Variants in MAGI3 observed in about 807,000 individuals in gnomAD.
The protein encoded by MAGI3 is membrane associated guanylate kinase, WW and PDZ domain containing 3.
Under a neutral mutation model 121.8 loss-of-function variants are expected in MAGI3, and 43 were observed. That is an observed-to-expected ratio of 0.35 (90% CI 0.28 to 0.46). The LOEUF (loss-of-function observed/expected upper bound fraction) is 0.46. MAGI3 is among the 20% of genes least tolerant of loss of function. The pLI is 1.00. For missense variants in MAGI3, 1,547 were observed against 1,797.3 expected (o/e 0.86, Z 2.52); for synonymous variants, 553 against 639.3 (o/e 0.86, Z 2.04).
intron 9 of MAGI3, among the ~76,000 whole-genome samples, chr1:113,624,921 C>T (rs1651124965): frequency 6.6e-6 from 1 of 152,170 alleles, no homozygotes. Flanking sequence ...TTTCATTCTT[C>T]TACATGTGGA....
intron 2 of MAGI3, among the ~76,000 whole-genome samples, chr1:113,571,146 G>A (rs1235021682): frequency 6.6e-6 from 1 of 152,180 alleles, no homozygotes; most frequent in Non-Finnish European, 1.5e-5. Context: ...TTATTAAATA[G>A]GGAATCCTTT....
chr1:113,512,860 A>T (rs935415252), intron 1 of MAGI3, among the ~76,000 whole-genome samples: 3 of 152,168 alleles, frequency 2.0e-5, no homozygotes, highest in African/African-American at 7.2e-5. Context: ...ATGACATGAT[A>T]GTATATCTAG....
At chr1:113,588,229 G>A (rs185365881) in intron 4 of MAGI3, among the ~76,000 whole-genome samples, 31 of 152,260 alleles carry the variant, frequency 2.0e-4, no homozygotes, top group Non-Finnish European at 3.2e-4. Context: ...CAGGATATCT[G>A]GGAGAAGAGC....
intron 2 of MAGI3, among the ~76,000 whole-genome samples, chr1:113,579,859 G>A (rs997280789): frequency 1.3e-4 from 20 of 152,014 alleles, no homozygotes; most frequent in African/African-American, 4.3e-4. Context: ...GAAGGAAAGT[G>A]TTCTTGTCCT....
intron 19 of MAGI3, among the ~76,000 whole-genome samples, chr1:113,674,393 A>T (rs1001823768): frequency 5.9e-4 from 39 of 66,168 alleles, no homozygotes; most frequent in Non-Finnish European, 1.6e-3. Flanking sequence ...ACTCCATTTA[A>T]AAAAAAAAAA....
intron 3 of MAGI3, 31 bp from the exon 4 acceptor site, chr1:113,585,356 G>A (rs747952448): frequency 6.3e-7 from 1 of 1,597,842 alleles, no homozygotes; most frequent in South Asian, 1.1e-5. Flanking sequence ...TGCAACATTA[G>A]TAATTTCAGC....
chr1:113,471,636 G>C (rs753649645), intron 1 of MAGI3, among the ~76,000 whole-genome samples: 1 of 152,016 alleles, frequency 6.6e-6, no homozygotes, highest in Non-Finnish European at 1.5e-5. Flanking sequence ...CAGTAACATA[G>C]TTTTTATTAT....
intron 1 of MAGI3, among the ~76,000 whole-genome samples, chr1:113,463,515 T>A (rs1335817035): frequency 6.6e-6 from 1 of 151,934 alleles, no homozygotes; most frequent in Non-Finnish European, 1.5e-5. Flanking sequence ...GTCAGAGAAG[T>A]TTGATCATTG....
Position 113,489,823 on chromosome 1 carries a change from A to T in MAGI3, c.317-59692A>T, listed in dbSNP as rs532701068. Among the ~76,000 whole-genome samples, 3 of 152,112 alleles carry T rather than the reference A, an allele frequency of 2.0e-5. No homozygotes were observed. The South Asian group carries it at 6.2e-4, about 32-fold the overall frequency. ...TAGAAGACTGGCTTTCTGAAATAAGACAGATAAGAATAGAGGCAAAAGAAT... is the reference window on the plus strand; with the variant it reads ...TAGAAGACTGGCTTTCTGAAATAAGTCAGATAAGAATAGAGGCAAAAGAAT... On this transcript the variant is annotated intron_variant, in intron 1 of 20. Coordinates refer to ENST00000307546, the MANE Select transcript of MAGI3 (RefSeq NM_001142782.2).
intron 1 of MAGI3, among the ~76,000 whole-genome samples, chr1:113,529,394 C>G (rs1658603036): frequency 6.6e-6 from 1 of 152,156 alleles, no homozygotes; most frequent in Non-Finnish European, 1.5e-5. Flanking sequence ...TCAAAGATGT[C>G]CATCTTTTTG....
chr1:113,682,333 T>A (rs1297715657), intron 20 of MAGI3: 4 of 1,565,828 alleles, frequency 2.6e-6, no homozygotes, highest in African/African-American at 2.8e-5. Context: ...AATCACTTTC[T>A]TCTTTTGTTT....
chr1:113,593,246 T>C (rs1346257786), intron 5 of MAGI3, among the ~76,000 whole-genome samples: 1 of 152,254 alleles, frequency 6.6e-6, no homozygotes, highest in African/African-American at 2.4e-5. Flanking sequence ...ACATTCATTG[T>C]TACTAATTAA....
intron 1 of MAGI3, among the ~76,000 whole-genome samples, chr1:113,412,750 T>G (rs1459332434): frequency 1.3e-5 from 2 of 152,152 alleles, no homozygotes; most frequent in Non-Finnish European, 1.5e-5. Flanking sequence ...TAAATTTGTG[T>G]AAGTTCTTTG....
chr1:113,580,230 TA>T (rs544969000), intron 2 of MAGI3, among the ~76,000 whole-genome samples: 164 of 152,268 alleles, frequency 1.1e-3, no homozygotes, highest in African/African-American at 3.8e-3. Flanking sequence ...AAATAACTTA[TA>T]AAAAATATTA....
At chr1:113,627,895 C>A (rs1651339721) in intron 9 of MAGI3, among the ~76,000 whole-genome samples, 1 of 151,764 alleles carries the variant, frequency 6.6e-6, no homozygotes, top group South Asian at 2.1e-4. Flanking sequence ...CCTTTATTTC[C>A]ATTCTATGTG....
intron 6 of MAGI3, among the ~76,000 whole-genome samples, chr1:113,609,673 C>T (rs764657789): frequency 1.2e-4 from 18 of 152,076 alleles, no homozygotes; most frequent in Non-Finnish European, 2.5e-4. Flanking sequence ...AATAGAGCTC[C>T]ACCATGAGAA....
At chr1:113,482,957 T>C (rs757158499) in intron 1 of MAGI3, among the ~76,000 whole-genome samples, 1 of 152,006 alleles carries the variant, frequency 6.6e-6, no homozygotes, top group Non-Finnish European at 1.5e-5. Context: ...AGGCATGCAC[T>C]ACCATGCCCA....
chr1:113,646,157 C>G (rs906373451), intron 11 of MAGI3, among the ~76,000 whole-genome samples: 1 of 151,290 alleles, frequency 6.6e-6, no homozygotes, highest in Non-Finnish European at 1.5e-5. Context: ...AGAAGTGCTG[C>G]CTTGTATTGT....
intron 1 of MAGI3, among the ~76,000 whole-genome samples, chr1:113,533,226 A>C (rs1273647434): frequency 6.6e-6 from 1 of 152,230 alleles, no homozygotes; most frequent in East Asian, 1.9e-4. Flanking sequence ...AAAATGTGGT[A>C]CATATACACC....
Sources: gnomAD v4.1 joint callset for allele counts (sites outside exome capture counted in the v4.1 genomes callset) on GRCh38, gnomAD v4.1.1 for gene constraint, MANE v1.5 for transcripts, NCBI Gene and HGNC (gene_info 2026-07-23, HGNC 2026-07-21) for gene names.